SMYD3: variants seen among roughly 807,000 people sequenced by gnomAD.
The protein encoded by SMYD3 is histone-lysine N-methyltransferase SMYD3.
SMYD3 carries 36 observed loss-of-function variants against 57.7 expected under a neutral mutation model. The observed-to-expected ratio is 0.62, with a 90% confidence interval of 0.48 to 0.82. SMYD3 has a LOEUF of 0.82. SMYD3 is among the 40% of genes least tolerant of loss of function. SMYD3 has a pLI of 0.00. For synonymous variants in SMYD3, 211 were observed against 195.0 expected (o/e 1.08, Z -0.68); for missense variants, 515 against 538.8 (o/e 0.96, Z 0.44).
intron 5 of SMYD3, among the ~76,000 whole-genome samples, chr1:246,114,104 A>T (rs1390760753): frequency 6.6e-6 from 1 of 151,728 alleles, no homozygotes; most frequent in Non-Finnish European, 1.5e-5. Flanking sequence ...AGGAGGAGAG[A>T]AAAGCACTAA....
chr1:246,260,441 G>GT (rs1252241657), intron 5 of SMYD3, among the ~76,000 whole-genome samples: 1 of 150,458 alleles, frequency 6.6e-6, no homozygotes, highest in Non-Finnish European at 1.5e-5. Flanking sequence ...TGTTGTTGTT[G>GT]TTGTTTTTTG....
At chr1:246,306,656 T>G (rs756872178) in intron 5 of SMYD3, among the ~76,000 whole-genome samples, 37 of 152,282 alleles carry the variant, frequency 2.4e-4, no homozygotes, top group South Asian at 4.2e-4. Flanking sequence ...GTACACCACT[T>G]TTAAGGTGTA....
intron 1 of SMYD3, among the ~76,000 whole-genome samples, chr1:246,489,829 G>A (rs1382232776): frequency 2.6e-5 from 4 of 151,854 alleles, no homozygotes; most frequent in Non-Finnish European, 5.9e-5. Context: ...TGCATTATTT[G>A]AGCTTGAAGT....
At chr1:245,898,259 C>T (rs947444070) in intron 8 of SMYD3, among the ~76,000 whole-genome samples, 4 of 152,018 alleles carry the variant, frequency 2.6e-5, no homozygotes, top group Admixed American at 6.6e-5. Context: ...ATTTCTCAAA[C>T]GAAAATAAAA....
intron 5 of SMYD3, among the ~76,000 whole-genome samples, chr1:246,249,947 A>C (rs2063775458): frequency 6.6e-6 from 1 of 152,192 alleles, no homozygotes; most frequent in Admixed American, 6.5e-5. Context: ...GTTCCATGTT[A>C]GCTTACTTTC....
At chr1:245,995,739 C>T (rs2058917193) in intron 5 of SMYD3, among the ~76,000 whole-genome samples, 1 of 152,172 alleles carries the variant, frequency 6.6e-6, no homozygotes, top group Non-Finnish European at 1.5e-5. Context: ...AGGGCTGCCA[C>T]CCAGAAGCAC....
At chr1:246,495,507 G>A (rs2068347060) in intron 1 of SMYD3, among the ~76,000 whole-genome samples, 1 of 152,084 alleles carries the variant, frequency 6.6e-6, no homozygotes, top group Non-Finnish European at 1.5e-5. Context: ...AGTTACAAGG[G>A]AATTTCTCAA....
intron 10 of SMYD3, among the ~76,000 whole-genome samples, chr1:245,847,303 A>G (rs2050715563): frequency 6.6e-6 from 1 of 152,180 alleles, no homozygotes; most frequent in Non-Finnish European, 1.5e-5. Flanking sequence ...CAAGCGATCA[A>G]ATATTATAAG....
intron 5 of SMYD3, among the ~76,000 whole-genome samples, chr1:246,200,250 A>C (rs1370090169): frequency 6.6e-6 from 1 of 152,050 alleles, no homozygotes; most frequent in Non-Finnish European, 1.5e-5. Flanking sequence ...GCCCACTGTA[A>C]TAGAGTAGAG....
At chr1:245,930,499 T>C (rs1402064952) in intron 5 of SMYD3, 1 of 278,504 alleles carries the variant, frequency 3.6e-6, no homozygotes, top group Non-Finnish European at 6.9e-6. Flanking sequence ...CAGGAGTCCA[T>C]CACTGGGTAC....
intron 5 of SMYD3, among the ~76,000 whole-genome samples, chr1:246,273,298 C>T (rs1434755490): frequency 6.6e-6 from 1 of 151,152 alleles, no homozygotes; most frequent in African/African-American, 2.4e-5. Flanking sequence ...TACAGGTGCC[C>T]GCCACCGTGC....
At chr1:246,188,059 T>C (rs1421170793) in intron 5 of SMYD3, among the ~76,000 whole-genome samples, 1 of 152,130 alleles carries the variant, frequency 6.6e-6, no homozygotes, top group African/African-American at 2.4e-5. Context: ...AAATATCGAT[T>C]TATTAATTTA....
At chr1:246,313,129 C>G (rs1286643315) in intron 5 of SMYD3, among the ~76,000 whole-genome samples, 1 of 152,092 alleles carries the variant, frequency 6.6e-6, no homozygotes, top group African/African-American at 2.4e-5. Flanking sequence ...TGGTCTCCAA[C>G]TCCTGAGCTC....
At chr1:245,953,050 A>G (rs12137320) in intron 5 of SMYD3, among the ~76,000 whole-genome samples, 85,774 of 152,062 alleles carry the variant, frequency 0.56, 28,788 homozygotes, top group Non-Finnish European at 0.77. Context: ...GGCTCTAAGA[A>G]TCTAAAAGGA....
chr1:246,251,601 G>T (rs12402562), intron 5 of SMYD3, among the ~76,000 whole-genome samples: 11 of 33,222 alleles, frequency 3.3e-4, no homozygotes, highest in Non-Finnish European at 3.8e-4. Flanking sequence ...AGTAGGTGCC[G>T]CGGACACTGT....
intron 11 of SMYD3, among the ~76,000 whole-genome samples, chr1:245,751,209 A>G (rs2045333478): frequency 6.6e-6 from 1 of 152,220 alleles, no homozygotes. Context: ...GACCTTCCAG[A>G]ATAGATTTTT....
At chr1:245,812,918 T>G (rs990186259) in intron 10 of SMYD3, among the ~76,000 whole-genome samples, 1 of 150,444 alleles carries the variant, frequency 6.6e-6, no homozygotes, top group Non-Finnish European at 1.5e-5. Flanking sequence ...CAAGCCGGAG[T>G]TTGATTTGAG....
chr1:246,170,220 G>T (rs902590198), intron 5 of SMYD3, among the ~76,000 whole-genome samples: 1 of 151,892 alleles, frequency 6.6e-6, no homozygotes, highest in African/African-American at 2.4e-5. Flanking sequence ...TTAACACAAT[G>T]ATTTTCTCCC....
intron 5 of SMYD3, among the ~76,000 whole-genome samples, chr1:246,076,672 G>T (rs374227590): frequency 9.2e-4 from 111 of 120,760 alleles, no homozygotes; most frequent in African/African-American, 4.9e-3. Context: ...ATTCTGTCTG[G>T]TTTTGTTTTT....
Sources: gnomAD v4.1 joint callset for allele counts (sites outside exome capture counted in the v4.1 genomes callset) on GRCh38, gnomAD v4.1.1 for gene constraint, MANE v1.5 for transcripts, NCBI Gene and HGNC (gene_info 2026-07-23, HGNC 2026-07-21) for gene names.